The following SOX11 variants were observed in gnomAD, a reference collection of about 807,000 sequenced individuals.
SOX11 encodes SRY-box transcription factor 11, also known as transcription factor SOX-11.
A neutral mutation model predicts 16.7 loss-of-function variants in SOX11; 5 were observed. The observed-to-expected ratio is 0.30, with a 90% CI of 0.16 to 0.63. The LOEUF (loss-of-function observed/expected upper bound fraction) is 0.63, where lower values mean the gene tolerates loss of function less well. Among genes scored for constraint, SOX11 ranks in the 20% least tolerant of loss-of-function variants. The pLI is 0.82. For missense variants in SOX11, 492 were observed against 641.5 expected (o/e 0.77, Z 2.52); for synonymous variants, 363 against 298.8 (o/e 1.21, Z -2.22).
chr2:5,693,616 G>T lies in SOX11; in HGVS notation c.895G>T (p.Ala299Ser). The change falls in exon 1 of 1, where the codon GCC (alanine) becomes TCC (serine). Residue 299 changes from alanine to serine, a missense_variant. By Grantham distance (99) the Ala-to-Ser change is moderately conservative. Around this residue, in one of 4 missense-constraint regions of SOX11, gnomAD observed 389 missense variants for 389.0 expected, o/e 1.00. Transcript: ENST00000322002. The surrounding 1 kb of genome is among the most constrained non-coding windows in gnomAD (Gnocchi z 8.6). Reference protein sequence around the residue: ...EGASLYDEVRAGATSGAGGGS... With the variant: ...EGASLYDEVRSGATSGAGGGS... The stretch of plus-strand genomic sequence containing the variant: ...AGCGAGCCTCTACGACGAGGTGCGG[G>T]CCGGCGCGACCTCGGGCGCCGGGGG... The T allele has an allele frequency of 6.4e-7, 1 of 1,569,308 alleles. No homozygotes were observed.
rs1278356774 is a variant in SOX11, at chr2:5,693,754, A to G, written c.1033A>G (p.Ser345Gly). 2.5e-6 allele frequency: 4 copies of G among 1,586,212 alleles called. No homozygotes were observed. In the Admixed American group the frequency reaches 5.3e-5, roughly 21 times the overall value. The stretch of plus-strand genomic sequence containing the variant: ...GCGCTCGGTGTCCACCTCCTCGTCC[A>G]GCAGCAGCGGCAGCAGCAGCGGCAG... ...SSRSVSTSSSSSSGSSSGSSG... is the reference protein window; with the variant it reads ...SSRSVSTSSSGSSGSSSGSSG... Residue 345 changes from serine (S) to glycine (G), a missense_variant, in exon 1 of 1, where the codon AGC becomes GGC. Ser to Gly is a moderately conservative substitution (Grantham distance 56). Transcript: ENST00000322002. This position sits in a 1 kb window ranked among gnomAD's most constrained non-coding sequence, Gnocchi z 8.6.
Position 5,696,338 on chromosome 2 carries a change from G to T in SOX11, c.*2291G>T. The T allele has an allele frequency of 5.9e-6, 1 of 168,084 alleles. No homozygotes were observed. Among genetic ancestry groups the T allele is most frequent in the South Asian group, 1.9e-4 (1 of 5,150 alleles). The allele number at this position is 168,084 out of a possible 1,614,324, so 10.4% of individuals were successfully genotyped here. Reference sequence around the variant, plus strand: ...TGTCCCCCGGGGCCGTGGAGCTGTCGGAGGGAAGGAGGACGGTGCGGGGCC... The same window carrying T: ...TGTCCCCCGGGGCCGTGGAGCTGTCTGAGGGAAGGAGGACGGTGCGGGGCC... On this transcript the variant is annotated 3_prime_UTR_variant, in exon 1 of 1. Transcript: ENST00000322002.
rs1665823840 is a variant in SOX11 at position 5,700,727 on chromosome 2, A to G, written c.*6680A>G. On this transcript the variant is annotated 3_prime_UTR_variant, in exon 1 of 1. Transcript: ENST00000322002. ...CTATTTTTTCCGGTTTGGGACTCCTAGTGGTTATGGCATCCCATAATGCTT... is the reference window on the plus strand; with the variant it reads ...CTATTTTTTCCGGTTTGGGACTCCTGGTGGTTATGGCATCCCATAATGCTT... 6.0e-6 allele frequency: 1 copy of G among 166,934 alleles called. No individual in the cohort carries two copies. Among genetic ancestry groups the G allele is most frequent in the Non-Finnish European group, 1.5e-5 (1 of 68,104 alleles). The allele number at this position is 166,934 out of a possible 1,614,324, so 10.3% of individuals were successfully genotyped here.
Position 5,695,713 on chromosome 2 carries a change from G to A in SOX11, c.*1666G>A, listed in dbSNP as rs1276870026. 4 of 167,256 alleles carry A rather than the reference G, an allele frequency of 2.4e-5. No individual in the cohort carries two copies. Among genetic ancestry groups the A allele is most frequent in the African/African-American group, 9.7e-5 (4 of 41,438 alleles). The allele number at this position is 167,256 out of a possible 1,614,324, so 10.4% of individuals were successfully genotyped here. On this transcript the variant is annotated 3_prime_UTR_variant, in exon 1 of 1. Coordinates refer to ENST00000322002, the MANE Select transcript of SOX11 (RefSeq NM_003108.4). Reference sequence around the variant, plus strand: ...TCGCAGAGCATTCGGTGGTGAGGCTGTTGTGTGCGCGGATGAGGGGAGGTG... The same window carrying A: ...TCGCAGAGCATTCGGTGGTGAGGCTATTGTGTGCGCGGATGAGGGGAGGTG...
rs969142121 is a variant in SOX11 at position 5,700,273 on chromosome 2, T to G, written c.*6226T>G. On this transcript the variant is annotated 3_prime_UTR_variant, in exon 1 of 1. Transcript: ENST00000322002. ...TTTTATGTAGTCACGTAGACTTGAT[T>G]TTTTCTGCTGTGAAAATGAAAAAAT... 4.8e-5 allele frequency: 8 copies of G among 167,038 alleles called. No individual in the cohort carries two copies. In the Admixed American group the frequency reaches 5.2e-4, roughly 11 times the overall value. 10.3% of individuals were successfully genotyped at this position (167,038 alleles called of 1,614,324 possible). A position where few individuals can be genotyped will look rare whatever the true frequency, so the allele number is the denominator to read the frequency against.
chr2:5,692,650 G>T lies in SOX11; in HGVS notation c.-72G>T. ...GCAACTTGCCCAGGAAGGTGGAGGGGTGGGAGGGGGAGGGGGACCTCCGCA... is the reference window on the plus strand; with the variant it reads ...GCAACTTGCCCAGGAAGGTGGAGGGTTGGGAGGGGGAGGGGGACCTCCGCA... On this transcript the variant is annotated 5_prime_UTR_variant, in exon 1 of 1. Transcript: ENST00000322002. 9 of 1,330,504 alleles carry T rather than the reference G, an allele frequency of 6.8e-6. No homozygotes were observed. The highest frequency in any genetic ancestry group is 9.1e-6 in the Non-Finnish European group (9 of 984,534). 82.4% of individuals were successfully genotyped at this position (1,330,504 alleles called of 1,614,324 possible).
At position 5,693,180 on chromosome 2, in the gene SOX11, C is replaced by A. The variant is rs751093717; in HGVS notation, c.459C>A (p.Gly153=). 1.3e-6 allele frequency: 2 copies of A among 1,552,634 alleles called. No homozygotes were observed. Among genetic ancestry groups the A allele is most frequent in the Non-Finnish European group, 8.7e-7 (1 of 1,152,150 alleles). The change falls in exon 1 of 1, where the codon GGC becomes GGA. Residue 153 remains glycine (G), a synonymous_variant. Coordinates refer to ENST00000322002, the MANE Select transcript of SOX11 (RefSeq NM_003108.4). The surrounding 1 kb of genome is among the most constrained non-coding windows in gnomAD (Gnocchi z 8.6). ...GCGGCGGCGGGAGCGCGGGCGGAGG[C>A]GCGGGCGGTGCCAAGACCTCCAAGG... ...AGGGGGSAGG[G]AGGAKTSKGS... is the part of the protein sequence containing the mutation.
In SOX11 at chr2:5,693,201, C is replaced by T. The variant is rs1665666254; in HGVS notation, c.480C>T (p.Ser160=). 6 of 1,522,646 alleles carry T rather than the reference C, an allele frequency of 3.9e-6. No individual in the cohort carries two copies. Among genetic ancestry groups the T allele is most frequent in the Non-Finnish European group, 5.3e-6 (6 of 1,141,140 alleles). The allele number at this position is 1,522,646 out of a possible 1,614,324, so 94.3% of individuals were successfully genotyped here. A position where few individuals can be genotyped will look rare whatever the true frequency, so the allele number is the denominator to read the frequency against. The change falls in exon 1 of 1, where the codon TCC becomes TCT. Residue 160 remains serine (S), a synonymous_variant. Coordinates refer to ENST00000322002, the MANE Select transcript of SOX11 (RefSeq NM_003108.4). This position sits in a 1 kb window ranked among gnomAD's most constrained non-coding sequence, Gnocchi z 8.6. ...AGGGAGGAKT[S]KGSSKKCGKL... is the part of the protein sequence containing the mutation. ...GAGGCGCGGGCGGTGCCAAGACCTC[C>T]AAGGGCTCCAGCAAGAAATGCGGCA...
rs1474429713 is a variant in SOX11, at chr2:5,695,668, T to G, written c.*1621T>G. 6.0e-6 allele frequency: 1 copy of G among 165,430 alleles called. No individual in the cohort carries two copies. The highest frequency in any genetic ancestry group is 2.5e-5 in the African/African-American group (1 of 40,770). 10.2% of individuals were successfully genotyped at this position (165,430 alleles called of 1,614,324 possible). ...GCATCGCCAATAGTCTCTATGGAAG[T>G]CAAACTGGAGGTCCTGTTGTCGCAG... On this transcript the variant is annotated 3_prime_UTR_variant, in exon 1 of 1. Coordinates refer to ENST00000322002, the MANE Select transcript of SOX11 (RefSeq NM_003108.4).
chr2:5,694,556 A>G lies in SOX11; in HGVS notation c.*509A>G, dbSNP rs575865863. 2 of 245,764 alleles carry G rather than the reference A, an allele frequency of 8.1e-6. No individual in the cohort carries two copies. The highest frequency in any genetic ancestry group is 3.7e-4 in the South Asian group (2 of 5,462). The allele number at this position is 245,764 out of a possible 1,614,324, so 15.2% of individuals were successfully genotyped here. ...TGCAGAGGACCCTTTTGGCAGCACA[A>G]CTGTTACTCTAGGGAGTTGGTGGAG... On this transcript the variant is annotated 3_prime_UTR_variant, in exon 1 of 1. Coordinates refer to ENST00000322002, the MANE Select transcript of SOX11 (RefSeq NM_003108.4).
rs999999304 is a variant in SOX11 at position 5,694,130 on chromosome 2, T to C, written c.*83T>C. On this transcript the variant is annotated 3_prime_UTR_variant, in exon 1 of 1. Transcript: ENST00000322002. ...GAAGTTGTAGTGGTGATGATGATGA[T>C]GATAATGATGATGATGATGGTGGTG... The C allele has an allele frequency of 5.0e-5, 73 of 1,451,460 alleles. No homozygotes were observed. The highest frequency in any genetic ancestry group is 6.5e-5 in the Non-Finnish European group (71 of 1,094,196). The allele number at this position is 1,451,460 out of a possible 1,614,324, so 89.9% of individuals were successfully genotyped here.
chr2:5,693,303 G>C lies in SOX11; in HGVS notation c.582G>C (p.Ala194=). Residue 194 remains alanine, a synonymous_variant, in exon 1 of 1, where the codon GCG becomes GCC. Transcript: ENST00000322002. The surrounding 1 kb of genome is among the most constrained non-coding windows in gnomAD (Gnocchi z 8.6). ...CCCAGTCCGGGGACTACGGGGGCGC[G>C]GGCGACGACTACGTGCTGGGCAGCC... ...KAAQSGDYGG[A]GDDYVLGSLR... 1 of 1,548,102 alleles carries C rather than the reference G, an allele frequency of 6.5e-7. No homozygotes were observed. The highest frequency in any genetic ancestry group is 2.4e-5 in the East Asian group (1 of 41,592).
rs1665838088 is a variant in SOX11 at position 5,701,345 on chromosome 2, T to A, written c.*7298T>A. ...AAGAGTTTTTCACAGAGGATTACAT[T>A]TGTTCAAAAGACTCTAATAAAATTG... On this transcript the variant is annotated 3_prime_UTR_variant, in exon 1 of 1. Transcript: ENST00000322002. The A allele has an allele frequency of 6.0e-6, 1 of 167,040 alleles. No individual in the cohort carries two copies. Among genetic ancestry groups the A allele is most frequent in the African/African-American group, 2.4e-5 (1 of 41,436 alleles). 10.3% of individuals were successfully genotyped at this position (167,040 alleles called of 1,614,324 possible). A position where few individuals can be genotyped will look rare whatever the true frequency, so the allele number is the denominator to read the frequency against.
In SOX11 at chr2:5,697,556, C is replaced by G. The variant is rs13407681; in HGVS notation, c.*3509C>G. ...ACCCCTGGGATGCGAAGCCAGCAAG[C>G]TTTTGCTGCAGATGGACAGGTTTCT... On this transcript the variant is annotated 3_prime_UTR_variant, in exon 1 of 1. Transcript: ENST00000322002. 83 of 166,474 alleles carry G rather than the reference C, an allele frequency of 5.0e-4. No individual in the cohort carries two copies. Among genetic ancestry groups the G allele is most frequent in the Middle Eastern group, 3.4e-3 (1 of 294 alleles). 10.3% of individuals were successfully genotyped at this position (166,474 alleles called of 1,614,324 possible).
Position 5,701,149 on chromosome 2 carries a change from T to C in SOX11, c.*7102T>C, listed in dbSNP as rs1166468617. On this transcript the variant is annotated 3_prime_UTR_variant, in exon 1 of 1. Transcript: ENST00000322002. ...CATTGCTGTATCAAAGTTGTAAAATTAAGCATTATTTATTGAAAACTATGT... is the reference window on the plus strand; with the variant it reads ...CATTGCTGTATCAAAGTTGTAAAATCAAGCATTATTTATTGAAAACTATGT... The C allele has an allele frequency of 6.0e-6, 1 of 167,064 alleles. No individual in the cohort carries two copies. The highest frequency in any genetic ancestry group is 2.4e-5 in the African/African-American group (1 of 41,434). 10.3% of individuals were successfully genotyped at this position (167,064 alleles called of 1,614,324 possible).
In SOX11 at chr2:5,693,131, G is replaced by A; in HGVS notation, c.410G>A (p.Ser137Asn). The change falls in exon 1 of 1, where the codon AGC becomes AAC. Residue 137 changes from serine (S) to asparagine (N), a missense_variant. Physicochemically the swap from Ser to Asn is conservative, Grantham distance 46 (BLOSUM62 1). Coordinates refer to ENST00000322002, the MANE Select transcript of SOX11 (RefSeq NM_003108.4). The surrounding 1 kb of genome is among the most constrained non-coding windows in gnomAD (Gnocchi z 8.6). ...DPSAKPSASQ[S>N]PEKSAAGGGG... ...TCGGCCAAGCCCAGCGCCAGCCAGA[G>A]CCCAGAGAAGAGCGCGGCCGGCGGC... The A allele has an allele frequency of 1.9e-6, 3 of 1,609,792 alleles. No individual in the cohort carries two copies. The highest frequency in any genetic ancestry group is 2.2e-5 in the East Asian group (1 of 44,740).
In SOX11 at chr2:5,697,644, G is replaced by A. The variant is rs1558376310; in HGVS notation, c.*3597G>A. 6.0e-6 allele frequency: 1 copy of A among 167,088 alleles called. No individual in the cohort carries two copies. Among genetic ancestry groups the A allele is most frequent in the Non-Finnish European group, 1.5e-5 (1 of 68,148 alleles). 10.4% of individuals were successfully genotyped at this position (167,088 alleles called of 1,614,324 possible). A position where few individuals can be genotyped will look rare whatever the true frequency, so the allele number is the denominator to read the frequency against. ...TCAGTAGTACATTTGGGAAAAGAAGGGGCTGATGGCGTTAACCAGGTTCTC... is the reference window on the plus strand; with the variant it reads ...TCAGTAGTACATTTGGGAAAAGAAGAGGCTGATGGCGTTAACCAGGTTCTC... On this transcript the variant is annotated 3_prime_UTR_variant, in exon 1 of 1. Transcript: ENST00000322002.
At position 5,693,535 on chromosome 2, in the gene SOX11, G is replaced by C. The variant is rs763266934; in HGVS notation, c.814G>C (p.Val272Leu). The C allele has an allele frequency of 6.4e-7, 1 of 1,567,832 alleles. No homozygotes were observed. The highest frequency in any genetic ancestry group is 8.6e-7 in the Non-Finnish European group (1 of 1,163,990). The change falls in exon 1 of 1, where the codon GTC becomes CTC. Residue 272 changes from valine (V) to leucine (L), a missense_variant. By Grantham distance (32) the Val-to-Leu change is conservative. This residue lies in a region of SOX11 where 389 missense variants were observed against 389.0 expected (regional missense o/e 1.00). Coordinates refer to ENST00000322002, the MANE Select transcript of SOX11 (RefSeq NM_003108.4). The surrounding 1 kb of genome is among the most constrained non-coding windows in gnomAD (Gnocchi z 8.6). ...GTCGCAGCTGCTGAGACGCTACAAC[G>C]TCGCCAAAGTGCCCGCCAGCCCTAC... Reference protein sequence around the residue: ...QPSQLLRRYNVAKVPASPTLS... With the variant: ...QPSQLLRRYNLAKVPASPTLS...
chr2:5,697,882 T>A lies in SOX11; in HGVS notation c.*3835T>A, dbSNP rs141677425. On this transcript the variant is annotated 3_prime_UTR_variant, in exon 1 of 1. Coordinates refer to ENST00000322002, the MANE Select transcript of SOX11 (RefSeq NM_003108.4). ...CAACGTAAACCCATTGATAGGCTGA[T>A]CTATGTATTTTGAAAGCCTGAAAAC... 1,288 of 167,258 alleles carry A rather than the reference T, an allele frequency of 7.7e-3. 20 individuals carry two copies. Among genetic ancestry groups the A allele is most frequent in the South Asian group, 0.018 (85 of 4,828 alleles). 10.4% of individuals were successfully genotyped at this position (167,258 alleles called of 1,614,324 possible). A position where few individuals can be genotyped will look rare whatever the true frequency, so the allele number is the denominator to read the frequency against.
Sources: allele counts gnomAD v4.1 joint callset, GRCh38; gene constraint gnomAD v4.1.1; regional missense constraint gnomAD v4.1.1; non-coding constraint Gnocchi (gnomAD v3.1); transcripts MANE v1.5; gene names NCBI Gene and HGNC (gene_info 2026-07-23, HGNC 2026-07-21).